CACNA1B: variants seen among roughly 807,000 people sequenced by gnomAD.
CACNA1B encodes the protein voltage-dependent N-type calcium channel subunit alpha-1B.
CACNA1B carries 70 observed loss-of-function variants against 247.2 expected under a neutral mutation model. That is an observed-to-expected ratio of 0.28 (90% CI 0.23 to 0.35). CACNA1B has a LOEUF of 0.35. CACNA1B is among the 10% of genes least tolerant of loss of function. The pLI is 1.00. For synonymous variants in CACNA1B, 1,231 were observed against 1,294.4 expected (o/e 0.95, Z 1.05); for missense variants, 2,367 against 3,197.4 (o/e 0.74, Z 6.26).
chr9:137,979,896 C>T (rs1275031522), intron 12 of CACNA1B, among the ~76,000 whole-genome samples: 1 of 152,210 alleles, frequency 6.6e-6, no homozygotes, highest in African/African-American at 2.4e-5. Context: ...GTAGATATTC[C>T]TGCTCAGCAA....
rs995498890 is a variant in CACNA1B at position 137,971,847 on chromosome 9, A to G, written c.1543+255A>G. Among the ~76,000 whole-genome samples the G allele has an allele frequency of 5.9e-5, 9 of 152,082 alleles. No homozygotes were observed. Among genetic ancestry groups the G allele is most frequent in the African/African-American group, 2.2e-4 (9 of 41,402 alleles). ...ATCTGCTAGACCCCTGTCCCTCAGC[A>G]TAGTGTGAGACTGGTTGAGGGGTCC... On this transcript the variant is annotated intron_variant, in intron 11 of 46. Transcript: ENST00000371372. The surrounding 1 kb of genome is among the most constrained non-coding windows in gnomAD (Gnocchi z 4.4).
intron 15 of CACNA1B, among the ~76,000 whole-genome samples, chr9:137,994,570 C>G (rs1958474326): frequency 6.6e-6 from 1 of 152,204 alleles, no homozygotes; most frequent in African/African-American, 2.4e-5. Context: ...TAACAGCGAT[C>G]AAGCTGAGAA....
intron 22 of CACNA1B, 106 bp downstream of exon 22, chr9:138,047,139 C>A: frequency 9.6e-7 from 1 of 1,046,382 alleles, no homozygotes; most frequent in Non-Finnish European, 1.4e-6. Context: ...TGTCGTCTCA[C>A]AGGGCACCCC....
intron 10 of CACNA1B, among the ~76,000 whole-genome samples, chr9:137,968,308 T>G (rs1958105070): frequency 6.6e-6 from 1 of 152,210 alleles, no homozygotes; most frequent in South Asian, 2.1e-4. Context: ...GGACTGGCTG[T>G]GTCACCACCC....
chr9:138,102,589 C>T lies in CACNA1B; in HGVS notation c.5223-122C>T. The T allele has an allele frequency of 1.9e-6, 1 of 538,758 alleles. No individual in the cohort carries two copies. The highest frequency in any genetic ancestry group is 3.3e-6 in the Non-Finnish European group (1 of 302,692). 33.4% of individuals were successfully genotyped at this position (538,758 alleles called of 1,614,324 possible). The stretch of plus-strand genomic sequence containing the variant: ...TGAATCCGACACTTTGATTAACTGG[C>T]TCTGTTTTCTTGTCTGCTTCCTCCC... On this transcript the variant is annotated intron_variant, in intron 37 of 46. Transcript: ENST00000371372. The surrounding 1 kb of genome is among the most constrained non-coding windows in gnomAD (Gnocchi z 5.4).
At chr9:138,112,279 C>A in intron 39 of CACNA1B, 119 bp from the exon 40 acceptor site, 1 of 702,072 alleles carries the variant, frequency 1.4e-6, no homozygotes, top group Non-Finnish European at 2.6e-6. Context: ...ACCGTCTGTA[C>A]CCCATCTCCG....
intron 19 of CACNA1B, 41 bp from the exon 20 acceptor site, chr9:138,024,914 G>A (rs1167688817): frequency 2.1e-6 from 3 of 1,414,118 alleles, no homozygotes; most frequent in African/African-American, 1.4e-5. Flanking sequence ...TCACAGGTGT[G>A]AGCCACTGCG....
intron 16 of CACNA1B, among the ~76,000 whole-genome samples, chr9:138,008,025 A>G (rs1236305685): frequency 6.6e-6 from 1 of 152,086 alleles, no homozygotes; most frequent in Non-Finnish European, 1.5e-5. Flanking sequence ...GGTGGTCCTT[A>G]GGCTGCAGCT....
chr9:138,121,972 C>T lies in CACNA1B; in HGVS notation c.6993C>T (p.His2331=). The part of the protein sequence containing the change: ...SSGGRARHSY[H]HPDQDHWC ...GTGGCCGAGCACGGCACAGCTACCA[C>T]CACCCTGACCAAGACCACTGGTGCT... The change falls in exon 47 of 47, where the codon CAC becomes CAT. Residue 2331 remains histidine, a synonymous_variant. Coordinates refer to ENST00000371372, the MANE Select transcript of CACNA1B (RefSeq NM_000718.4). The surrounding 1 kb of genome is among the most constrained non-coding windows in gnomAD (Gnocchi z 6.8). The T allele has an allele frequency of 6.2e-7, 1 of 1,601,068 alleles. No individual in the cohort carries two copies. Among genetic ancestry groups the T allele is most frequent in the Non-Finnish European group, 8.5e-7 (1 of 1,179,660 alleles).
At chr9:138,046,514 G>T (rs1351857104) in intron 21 of CACNA1B, among the ~76,000 whole-genome samples, 2 of 152,364 alleles carry the variant, frequency 1.3e-5, no homozygotes, top group South Asian at 4.1e-4. Context: ...CTGTGAAAGG[G>T]CTGGGTAGTT....
chr9:137,986,646 C>A lies in CACNA1B; in HGVS notation c.1901+102C>A. 2 of 1,467,790 alleles carry A rather than the reference C, an allele frequency of 1.4e-6. No individual in the cohort carries two copies. The highest frequency in any genetic ancestry group is 1.9e-6 in the Non-Finnish European group (2 of 1,051,222). 90.9% of individuals were successfully genotyped at this position (1,467,790 alleles called of 1,614,324 possible). ...AGGCTGCCTCCACCCACCTTCCCAC[C>A]AGGAAGGTCCTCAGAGGGGCCAGTG... On this transcript the variant is annotated intron_variant, in intron 14 of 46. Coordinates refer to ENST00000371372, the MANE Select transcript of CACNA1B (RefSeq NM_000718.4). The surrounding 1 kb of genome is among the most constrained non-coding windows in gnomAD (Gnocchi z 6.0).
intron 20 of CACNA1B, among the ~76,000 whole-genome samples, chr9:138,032,299 C>G (rs535088237): frequency 6.6e-6 from 1 of 152,038 alleles, no homozygotes; most frequent in Non-Finnish European, 1.5e-5. Context: ...CTCTTTATAT[C>G]GCTTTTTCCT....
intron 22 of CACNA1B, 99 bp downstream of exon 22, chr9:138,047,132 C>A: frequency 8.8e-7 from 1 of 1,142,710 alleles, no homozygotes; most frequent in Non-Finnish European, 1.2e-6. Context: ...GAGGTCCTGT[C>A]GTCTCACAGG....
chr9:138,024,385 C>A (rs535616572), intron 19 of CACNA1B, among the ~76,000 whole-genome samples: 10 of 152,316 alleles, frequency 6.6e-5, no homozygotes, highest in African/African-American at 2.4e-4. Flanking sequence ...CAGGTACCCA[C>A]TGGCCACAAA....
At chr9:138,082,807 C>T (rs1960567039) in intron 36 of CACNA1B, among the ~76,000 whole-genome samples, 1 of 151,200 alleles carries the variant, frequency 6.6e-6, no homozygotes, top group Admixed American at 6.6e-5. Context: ...CAAAAAATTA[C>T]ATTTTAATGA....
At chr9:138,031,625 G>T (rs1251283074) in intron 20 of CACNA1B, among the ~76,000 whole-genome samples, 2 of 152,154 alleles carry the variant, frequency 1.3e-5, no homozygotes, top group Admixed American at 1.3e-4. Context: ...TGTAAATGTG[G>T]ATTTATCTTT....
In CACNA1B at chr9:138,116,806, C is replaced by A. The variant is rs968762573; in HGVS notation, c.5777+1127C>A. On this transcript the variant is annotated intron_variant, in intron 42 of 46. Transcript: ENST00000371372. The stretch of plus-strand genomic sequence containing the variant: ...AGCCAGCTCCGGTTCTCCTAACCAC[C>A]CCTCCTCTCAGCACCAGCCTGCCAC... Among the ~76,000 whole-genome samples, 25 of 152,274 alleles carry A rather than the reference C, an allele frequency of 1.6e-4. No homozygotes were observed. In the East Asian group the frequency reaches 4.1e-3, roughly 25 times the overall value.
intron 38 of CACNA1B, 104 bp from the exon 39 acceptor site, chr9:138,105,595 A>AC (rs1397589966): frequency 2.9e-6 from 2 of 680,844 alleles, no homozygotes; most frequent in African/African-American, 3.5e-5. Context: ...AGGCACCACC[A>AC]CTGGGATGCC....
intron 39 of CACNA1B, 36 bp downstream of exon 39, chr9:138,105,843 C>G (rs1961406001): frequency 8.5e-7 from 1 of 1,170,684 alleles, no homozygotes; most frequent in Non-Finnish European, 1.2e-6. Context: ...GGCCCTGGAC[C>G]CAGGGATGTG....
Sources: allele counts gnomAD v4.1 joint callset (sites outside exome capture counted in the v4.1 genomes callset), GRCh38; gene constraint gnomAD v4.1.1; non-coding constraint Gnocchi (gnomAD v3.1); transcripts MANE v1.5; gene names NCBI Gene and HGNC (gene_info 2026-07-23, HGNC 2026-07-21).